Variants in MDGA2 observed in about 807,000 individuals in gnomAD.
The protein encoded by MDGA2 is MAM domain-containing glycosylphosphatidylinositol anchor protein 2.
Under a neutral mutation model 117.8 loss-of-function variants are expected in MDGA2, and 40 were observed. The ratio of observed to expected loss-of-function variants is 0.34; its 90% CI spans 0.26 to 0.44. The LOEUF (loss-of-function observed/expected upper bound fraction) is 0.44, where lower values mean the gene tolerates loss of function less well. MDGA2 is among the 20% of genes least tolerant of loss of function. MDGA2 has a pLI of 1.00. For synonymous variants in MDGA2, 452 were observed against 439.0 expected, an observed-to-expected ratio of 1.03 and a Z score of -0.37; for missense variants, 1,123 against 1,250.6, an observed-to-expected ratio of 0.90 and a Z score of 1.54.
chr14:47,331,840 T>C lies in MDGA2; in HGVS notation c.281-30290A>G, dbSNP rs532661036. On this transcript the variant is annotated intron_variant, in intron 1 of 16. Transcript: ENST00000399232. ...GTATTAGTGAATTTTCATTTCTAAA[T>C]CTCAAACATTTCAAAAACAGTCCTT... Among the ~76,000 whole-genome samples, 4 of 152,112 alleles carry C rather than the reference T, an allele frequency of 2.6e-5. No individual in the cohort carries two copies. In the South Asian group the frequency reaches 8.3e-4, roughly 31 times the overall value.
At chr14:46,939,774 G>C (rs915758884) in intron 9 of MDGA2, among the ~76,000 whole-genome samples, 4 of 152,124 alleles carry the variant, frequency 2.6e-5, no homozygotes, top group African/African-American at 9.7e-5. Context: ...GTGAAGATTA[G>C]AGATCTTAAG....
chr14:47,639,018 C>A (rs1897373239), intron 1 of MDGA2, among the ~76,000 whole-genome samples: 1 of 152,098 alleles, frequency 6.6e-6, no homozygotes, highest in Non-Finnish European at 1.5e-5. Context: ...AATACTCTAC[C>A]CTAACTTCAT....
intron 8 of MDGA2, among the ~76,000 whole-genome samples, chr14:47,006,378 T>TATTATA (rs928677952): frequency 1.4e-5 from 2 of 147,038 alleles, no homozygotes; most frequent in African/African-American, 4.9e-5. Context: ...ATATTAAAAA[T>TATTATA]ATTATAATTA....
At chr14:47,077,935 T>G (rs1036152799) in intron 6 of MDGA2, among the ~76,000 whole-genome samples, 2 of 152,052 alleles carry the variant, frequency 1.3e-5, no homozygotes, top group Non-Finnish European at 2.9e-5. Context: ...AAAACTCTCT[T>G]ACAACAAACA....
At chr14:47,219,293 T>C (rs1594732395) in intron 2 of MDGA2, among the ~76,000 whole-genome samples, 1 of 152,038 alleles carries the variant, frequency 6.6e-6, no homozygotes, top group Non-Finnish European at 1.5e-5. Context: ...TTAAAAGTTA[T>C]CCACATAATT....
intron 6 of MDGA2, among the ~76,000 whole-genome samples, chr14:47,081,941 T>C (rs985001489): frequency 6.6e-6 from 1 of 152,154 alleles, no homozygotes; most frequent in Non-Finnish European, 1.5e-5. Context: ...CATATTTTGT[T>C]ACATTTTTTG....
chr14:46,962,445 A>G (rs1353411087), intron 8 of MDGA2, among the ~76,000 whole-genome samples: 1 of 152,138 alleles, frequency 6.6e-6, no homozygotes, highest in African/African-American at 2.4e-5. Flanking sequence ...CCCCTAGTGA[A>G]TATTCTGGGT....
chr14:47,629,113 A>T (rs1897207464), intron 1 of MDGA2, among the ~76,000 whole-genome samples: 1 of 152,156 alleles, frequency 6.6e-6, no homozygotes, highest in Admixed American at 6.5e-5. Context: ...CCCGCCTCAC[A>T]TCCAGGGTAT....
At chr14:47,646,541 C>T (rs553964175) in intron 1 of MDGA2, among the ~76,000 whole-genome samples, 1 of 152,148 alleles carries the variant, frequency 6.6e-6, no homozygotes, top group Admixed American at 6.5e-5. Context: ...GTTGGGTGAA[C>T]TTGGATATGT....
chr14:47,189,143 C>T (rs1459348091), intron 3 of MDGA2, among the ~76,000 whole-genome samples: 5 of 152,136 alleles, frequency 3.3e-5, no homozygotes, highest in Non-Finnish European at 7.3e-5. Context: ...CAACCTTGAT[C>T]TCACTCTATC....
At chr14:47,024,656 AAAC>A (rs1402562716) in intron 8 of MDGA2, among the ~76,000 whole-genome samples, 1 of 152,230 alleles carries the variant, frequency 6.6e-6, no homozygotes, top group East Asian at 1.9e-4. Context: ...ATATCAAAGA[AAAC>A]AATACACATA....
At chr14:47,456,280 A>C (rs527869107) in intron 1 of MDGA2, among the ~76,000 whole-genome samples, 2 of 145,848 alleles carry the variant, frequency 1.4e-5, no homozygotes, top group African/African-American at 5.0e-5. Flanking sequence ...AGTGTGAGCA[A>C]GAAAATTGTT....
chr14:47,227,489 T>C (rs1886547096), intron 2 of MDGA2, among the ~76,000 whole-genome samples: 1 of 152,190 alleles, frequency 6.6e-6, no homozygotes, highest in Admixed American at 6.5e-5. Flanking sequence ...GGGCATTTCC[T>C]TAATAAATCA....
intron 2 of MDGA2, among the ~76,000 whole-genome samples, chr14:47,262,602 C>A (rs1208189831): frequency 6.6e-6 from 1 of 152,150 alleles, no homozygotes; most frequent in African/African-American, 2.4e-5. Context: ...GCAACACCAT[C>A]TAGGCCATCA....
At chr14:47,479,516 A>G (rs1173038620) in intron 1 of MDGA2, among the ~76,000 whole-genome samples, 1 of 152,110 alleles carries the variant, frequency 6.6e-6, no homozygotes, top group Non-Finnish European at 1.5e-5. Context: ...ATCACTTCAA[A>G]ACCAAGGACT....
At chr14:47,326,343 G>T (rs960606174) in intron 1 of MDGA2, among the ~76,000 whole-genome samples, 7 of 152,044 alleles carry the variant, frequency 4.6e-5, no homozygotes, top group Admixed American at 2.0e-4. Flanking sequence ...CACTCTATGA[G>T]ATAGGTACTA....
chr14:47,561,717 T>A (rs1895820358), intron 1 of MDGA2, among the ~76,000 whole-genome samples: 1 of 152,200 alleles, frequency 6.6e-6, no homozygotes, highest in East Asian at 1.9e-4. Context: ...ATGCCTTTTG[T>A]TTCTTTACCT....
At chr14:47,162,185 T>C (rs1883670618) in intron 3 of MDGA2, among the ~76,000 whole-genome samples, 1 of 152,100 alleles carries the variant, frequency 6.6e-6, no homozygotes, top group Non-Finnish European at 1.5e-5. Flanking sequence ...GACCTCGTGT[T>C]CTGCATGCCT....
At chr14:47,020,792 G>C (rs1350620274) in intron 8 of MDGA2, among the ~76,000 whole-genome samples, 1 of 151,930 alleles carries the variant, frequency 6.6e-6, no homozygotes, top group Admixed American at 6.6e-5. Flanking sequence ...AAATGTATTT[G>C]TGTGGGCTGA....
Sources: allele counts gnomAD v4.1 joint callset (sites outside exome capture counted in the v4.1 genomes callset), GRCh38; gene constraint gnomAD v4.1.1; transcripts MANE v1.5; gene names NCBI Gene and HGNC (gene_info 2026-07-23, HGNC 2026-07-21).